The following LCORL variants were observed in gnomAD, a reference collection of about 807,000 sequenced individuals.
LCORL encodes the protein ligand-dependent nuclear receptor corepressor-like protein.
Under a neutral mutation model 141.8 loss-of-function variants are expected in LCORL, and 41 were observed. The observed-to-expected ratio is 0.29, with a 90% confidence interval of 0.23 to 0.38. LCORL has a LOEUF of 0.38. Among genes scored for constraint, LCORL ranks in the 10% least tolerant of loss-of-function variants. The probability of loss-of-function intolerance (pLI) is 1.00; values close to 1 mark genes in which losing one functional copy is unlikely to be tolerated. For missense variants in LCORL, 1,759 were observed against 2,035.0 expected (o/e 0.86, Z 2.61); for synonymous variants, 618 against 694.1 (o/e 0.89, Z 1.72).
intron 4 of LCORL, among the ~76,000 whole-genome samples, chr4:17,927,527 C>T (rs183915496): frequency 6.6e-6 from 1 of 152,312 alleles, no homozygotes; most frequent in Non-Finnish European, 1.5e-5. Flanking sequence ...GTCTTTCTCA[C>T]TAAGCTTAGT....
At chr4:17,974,758 A>G (rs892648788) in intron 1 of LCORL, among the ~76,000 whole-genome samples, 5 of 152,170 alleles carry the variant, frequency 3.3e-5, no homozygotes, top group Non-Finnish European at 7.4e-5. Context: ...TAAAATTTTA[A>G]TCATAAGCCC....
intron 4 of LCORL, among the ~76,000 whole-genome samples, chr4:17,913,688 C>G (rs919134386): frequency 3.9e-5 from 6 of 152,196 alleles, no homozygotes; most frequent in African/African-American, 1.4e-4. Context: ...CAAACAAGGG[C>G]AATATGGCAA....
intron 1 of LCORL, among the ~76,000 whole-genome samples, chr4:17,975,631 G>T (rs1716800604): frequency 6.6e-6 from 1 of 151,996 alleles, no homozygotes; most frequent in African/African-American, 2.4e-5. Flanking sequence ...CCTGACCTCA[G>T]GTGATCCATC....
At chr4:17,971,441 T>A (rs553631638) in intron 2 of LCORL, among the ~76,000 whole-genome samples, 5 of 151,710 alleles carry the variant, frequency 3.3e-5, no homozygotes, top group South Asian at 4.2e-4. Context: ...AGCCCCTTTT[T>A]AAATACATAA....
chr4:17,855,683 C>T (rs1176315695), intron 7 of LCORL, among the ~76,000 whole-genome samples: 1 of 152,172 alleles, frequency 6.6e-6, no homozygotes, highest in Non-Finnish European at 1.5e-5. Flanking sequence ...ATTGCTTGGG[C>T]AAACCTGCTG....
intron 4 of LCORL, among the ~76,000 whole-genome samples, chr4:17,921,833 A>G (rs4698659): frequency 0.98 from 149,749 of 152,252 alleles, 73,688 homozygotes; most frequent in Middle Eastern, 1. Context: ...ATAAAAGCAG[A>G]TAGCGGAATG....
intron 4 of LCORL, among the ~76,000 whole-genome samples, chr4:17,913,408 G>T (rs545224042): frequency 1.3e-5 from 2 of 152,292 alleles, no homozygotes; most frequent in East Asian, 1.9e-4. Flanking sequence ...ATATAATCCT[G>T]AAGATAAAAC....
At chr4:18,002,469 C>G (rs1354103087) in intron 1 of LCORL, among the ~76,000 whole-genome samples, 6 of 151,620 alleles carry the variant, frequency 4.0e-5, no homozygotes, top group Admixed American at 3.3e-4. Context: ...CCATATAGTA[C>G]AAACAAAAAT....
At chr4:17,961,771 G>T (rs928633471) in intron 4 of LCORL, 132 bp downstream of exon 4, 12 of 639,850 alleles carry the variant, frequency 1.9e-5, no homozygotes, top group Non-Finnish European at 3.0e-5. Flanking sequence ...AAAATATAAA[G>T]AAAAATTAAG....
chr4:17,919,070 T>G (rs898669101), intron 4 of LCORL, among the ~76,000 whole-genome samples: 1 of 150,988 alleles, frequency 6.6e-6, no homozygotes, highest in Non-Finnish European at 1.5e-5. Context: ...AGAAGATATA[T>G]CACTACTGAT....
chr4:17,935,361 G>A (rs930288209), intron 4 of LCORL, among the ~76,000 whole-genome samples: 12 of 152,106 alleles, frequency 7.9e-5, no homozygotes, highest in Non-Finnish European at 4.4e-5. Flanking sequence ...CTACTCATGA[G>A]TTCCAAATGA....
At chr4:17,927,155 T>C (rs1340575745) in intron 4 of LCORL, among the ~76,000 whole-genome samples, 1 of 152,250 alleles carries the variant, frequency 6.6e-6, no homozygotes, top group African/African-American at 2.4e-5. Context: ...CCTTGCAGTT[T>C]CATGTAATGG....
intron 4 of LCORL, among the ~76,000 whole-genome samples, chr4:17,938,279 T>A (rs1737210859): frequency 6.6e-6 from 1 of 152,078 alleles, no homozygotes; most frequent in Non-Finnish European, 1.5e-5. Flanking sequence ...AGTGCTGGGA[T>A]TACAGGCATG....
intron 4 of LCORL, among the ~76,000 whole-genome samples, chr4:17,922,102 G>T (rs1211712276): frequency 6.6e-6 from 1 of 152,156 alleles, no homozygotes; most frequent in African/African-American, 2.4e-5. Context: ...ACTTCAACTT[G>T]TGATTGTGTG....
At chr4:17,908,963 A>G in intron 5 of LCORL, 131 bp downstream of exon 5, 1 of 802,380 alleles carries the variant, frequency 1.2e-6, no homozygotes, top group South Asian at 2.3e-5. Flanking sequence ...TCTCCAGCAC[A>G]TATTACATAA....
chr4:17,909,173 T>C (rs540943377), exon 5 of LCORL: 2 of 1,613,468 alleles, frequency 1.2e-6, no homozygotes, highest in African/African-American at 2.7e-5. Flanking sequence ...GGGAGTTTTC[T>C]GCTTGATTCA....
At chr4:17,843,479 TAAA>T (rs1722629841) in exon 8 of LCORL, 2 of 1,584,766 alleles carry the variant, frequency 1.3e-6, no homozygotes, top group East Asian at 4.5e-5. Flanking sequence ...TTTGCTTTAA[TAAA>T]GAAGAAGTTA....
chr4:17,879,166 T>C (rs1727242497), intron 6 of LCORL, among the ~76,000 whole-genome samples: 1 of 146,748 alleles, frequency 6.8e-6, no homozygotes, highest in South Asian at 2.1e-4. Flanking sequence ...TATTGAAGAA[T>C]GTATTTGTTT....
intron 5 of LCORL, among the ~76,000 whole-genome samples, chr4:17,892,343 G>T (rs375365299): frequency 2.6e-5 from 4 of 151,642 alleles, no homozygotes; most frequent in African/African-American, 9.7e-5. Flanking sequence ...CAAGTAGCTG[G>T]GATTACAGGC....
Sources: gnomAD v4.1 joint callset for allele counts (sites outside exome capture counted in the v4.1 genomes callset) on GRCh38, gnomAD v4.1.1 for gene constraint, MANE v1.5 for transcripts, NCBI Gene and HGNC (gene_info 2026-07-23, HGNC 2026-07-21) for gene names.